The following CDC34 variants were observed in gnomAD, a reference collection of about 807,000 sequenced individuals.
The protein encoded by CDC34 is cell division cycle 34, ubiquitin conjugating enzyme, also known as ubiquitin-conjugating enzyme E2 R1.
A neutral mutation model predicts 26.8 loss-of-function variants in CDC34; 18 were observed. The ratio of observed to expected loss-of-function variants is 0.67; its 90% CI spans 0.47 to 1.00. The LOEUF (loss-of-function observed/expected upper bound fraction) is 1.00. Ranked by LOEUF, CDC34 falls within the 50% of genes least tolerant of loss-of-function variation. The probability of loss-of-function intolerance (pLI) is 0.00; values close to 1 mark genes in which losing one functional copy is unlikely to be tolerated. For synonymous variants in CDC34, 178 were observed against 147.5 expected, an observed-to-expected ratio of 1.21 and a Z score of -1.50; for missense variants, 280 against 334.5, an observed-to-expected ratio of 0.84 and a Z score of 1.27.
chr19:536,859 G>A, intron 3 of CDC34, 154 bp from the exon 4 acceptor site: 1 of 792,464 alleles, frequency 1.3e-6, no homozygotes, highest in Non-Finnish European at 2.1e-6. Flanking sequence ...AGCCCCTGCT[G>A]TTCTGGGGGC....
intron 4 of CDC34, chr19:538,704 C>T (rs915071895): frequency 4.3e-5 from 42 of 985,282 alleles, no homozygotes; most frequent in East Asian, 1.1e-4. Context: ...GGGCACCTTC[C>T]ATCCTGCACT....
intron 4 of CDC34, chr19:538,860 G>A: frequency 1.0e-6 from 1 of 985,288 alleles, no homozygotes; most frequent in Non-Finnish European, 1.2e-6. Context: ...AGGTCACAGG[G>A]TAGCTGCCCT....
In CDC34 at chr19:541,429, G is replaced by A. The variant is rs148173026; in HGVS notation, c.588G>A (p.Ala196=). Residue 196 remains alanine (A), a synonymous_variant, in exon 5 of 5, where the codon GCG becomes GCA. Coordinates refer to ENST00000215574, the MANE Select transcript of CDC34 (RefSeq NM_004359.2). ...TLAEYCVKTK[A]PAPDEGSDLF... ...CCGAGTACTGCGTGAAGACCAAGGC[G>A]CCGGCGCCCGACGAGGGCTCAGACC... is the stretch of plus-strand genomic sequence containing the variant. The A allele has an allele frequency of 2.7e-4, 434 of 1,612,502 alleles. 1 individual carries two copies. Among genetic ancestry groups the A allele is most frequent in the Admixed American group, 1.2e-4 (7 of 59,986 alleles).
At chr19:536,639 C>T (rs1600424825) in intron 3 of CDC34, 1 of 543,654 alleles carries the variant, frequency 1.8e-6, no homozygotes, top group South Asian at 2.3e-5. Flanking sequence ...TCTCCTTACC[C>T]AGCCGTCTCT....
chr19:538,547 T>C (rs907442345), intron 4 of CDC34: 2 of 221,188 alleles, frequency 9.0e-6, no homozygotes, highest in Non-Finnish European at 1.5e-5. Context: ...TTTTTTTTTT[T>C]CTCAGAGTGA....
chr19:536,963 G>A, intron 3 of CDC34, 50 bp from the exon 4 acceptor site: 1 of 1,611,024 alleles, frequency 6.2e-7, no homozygotes. Context: ...AGAAGAGCCG[G>A]AAGGCTGGGG....
intron 4 of CDC34, chr19:541,103 A>G (rs1235457351): frequency 1.8e-5 from 9 of 508,244 alleles, no homozygotes; most frequent in Admixed American, 7.4e-5. Flanking sequence ...GGCGGGTGTG[A>G]CTGCACTGCG....
At chr19:540,979 G>T (rs895547182) in intron 4 of CDC34, among the ~76,000 whole-genome samples, 1 of 152,152 alleles carries the variant, frequency 6.6e-6, no homozygotes, top group African/African-American at 2.4e-5. Context: ...TTGCTCCTGC[G>T]CTGAGGAAGG....
In CDC34 at chr19:538,442, G is replaced by A. The variant is rs1481277854; in HGVS notation, c.497+1295G>A. ...TGTGTTCACATGAATGTGTAAACAC[G>A]TGCGTGTCTGTGTACAAAGACAAGG... On this transcript the variant is annotated intron_variant, in intron 4 of 4. Coordinates refer to ENST00000215574, the MANE Select transcript of CDC34 (RefSeq NM_004359.2). 8.5e-5 allele frequency among the ~76,000 whole-genome samples: 13 copies of A among 152,176 alleles called. No individual in the cohort carries two copies. The South Asian group carries it at 1.4e-3, about 17-fold the overall frequency.
intron 1 of CDC34, among the ~76,000 whole-genome samples, chr19:532,411 G>A (rs1418711819): frequency 6.6e-6 from 1 of 152,224 alleles, no homozygotes; most frequent in Non-Finnish European, 1.5e-5. Flanking sequence ...GGCCCTCCCT[G>A]TAGCATCTGG....
chr19:534,593 G>A (rs544991914), intron 1 of CDC34, among the ~76,000 whole-genome samples: 2 of 92,226 alleles, frequency 2.2e-5, no homozygotes, highest in African/African-American at 8.3e-5. Flanking sequence ...CAAGACCCCC[G>A]AGTGCCCGCC....
At chr19:534,570 C>T (rs1407191650) in intron 1 of CDC34, among the ~76,000 whole-genome samples, 1 of 133,270 alleles carries the variant, frequency 7.5e-6, no homozygotes, top group Non-Finnish European at 1.6e-5. Flanking sequence ...CTGTCAAGGC[C>T]TCGCCCACGA....
rs1980027696 is a variant in CDC34, at chr19:541,720, G to C, written c.*168G>C. 3 of 696,690 alleles carry C rather than the reference G, an allele frequency of 4.3e-6. No homozygotes were observed. Among genetic ancestry groups the C allele is most frequent in the Non-Finnish European group, 6.5e-6 (3 of 461,100 alleles). 43.2% of individuals were successfully genotyped at this position (696,690 alleles called of 1,614,324 possible). A position where few individuals can be genotyped will look rare whatever the true frequency, so the allele number is the denominator to read the frequency against. On this transcript the variant is annotated 3_prime_UTR_variant, in exon 5 of 5. Transcript: ENST00000215574. ...CTGTTCTGGGTTTTCACGTGCTTCA[G>C]AGAAGAGGGGCTGCCCCACCGCCAC...
At chr19:540,995 G>GC (rs1439443651) in intron 4 of CDC34, among the ~76,000 whole-genome samples, 2 of 152,176 alleles carry the variant, frequency 1.3e-5, no homozygotes, top group Non-Finnish European at 2.9e-5. Flanking sequence ...GAAGGCTTTT[G>GC]CCCCCCAGTG....
intron 4 of CDC34, among the ~76,000 whole-genome samples, chr19:537,587 C>T (rs995347758): frequency 2.1e-4 from 31 of 150,486 alleles, no homozygotes; most frequent in African/African-American, 6.8e-4. Flanking sequence ...CTCCTGACCT[C>T]GTGATCCATC....
At chr19:538,357 TCTC>T (rs1239158210) in intron 4 of CDC34, among the ~76,000 whole-genome samples, 3 of 152,234 alleles carry the variant, frequency 2.0e-5, no homozygotes, top group Non-Finnish European at 4.4e-5. Flanking sequence ...CGGCTCTCCC[TCTC>T]CTCCCATCGC....
intron 4 of CDC34, 25 bp from the exon 5 acceptor site, chr19:541,314 G>A (rs1007317152): frequency 3.5e-5 from 53 of 1,518,136 alleles, no homozygotes; most frequent in Admixed American, 1.0e-4. Context: ...CGTGGGTGGC[G>A]CCCTCACCCA....
Position 541,809 on chromosome 19 carries a change from G to A in CDC34, c.*257G>A, listed in dbSNP as rs1416580771. 1.9e-5 allele frequency: 6 copies of A among 319,724 alleles called. No homozygotes were observed. Among genetic ancestry groups the A allele is most frequent in the East Asian group, 5.0e-5 (1 of 19,930 alleles). 19.8% of individuals were successfully genotyped at this position (319,724 alleles called of 1,614,324 possible). A position where few individuals can be genotyped will look rare whatever the true frequency, so the allele number is the denominator to read the frequency against. On this transcript the variant is annotated 3_prime_UTR_variant, in exon 5 of 5. Transcript: ENST00000215574. ...GAGCGGCCGGCCCACCTGTCCCCTC[G>A]GGAGGGGAGCTGAGCCCGACTTCTA...
Position 532,113 on chromosome 19 carries a change from G to T in CDC34, c.177+5G>T. 1 of 1,496,990 alleles carries T rather than the reference G, an allele frequency of 6.7e-7. No homozygotes were observed. The highest frequency in any genetic ancestry group is 8.8e-7 in the Non-Finnish European group (1 of 1,133,222). 92.7% of individuals were successfully genotyped at this position (1,496,990 alleles called of 1,614,324 possible). On this transcript the variant is annotated splice_donor_5th_base_variant and intron_variant, in intron 1 of 4. Coordinates refer to ENST00000215574, the MANE Select transcript of CDC34 (RefSeq NM_004359.2). ...TACGAGGGCGGCTACTTCAAGGTGA[G>T]CGCGGCGACCCCCGCCCGGGTCCCG...
Sources: allele counts gnomAD v4.1 joint callset (sites outside exome capture counted in the v4.1 genomes callset), GRCh38; gene constraint gnomAD v4.1.1; transcripts MANE v1.5; gene names NCBI Gene and HGNC (gene_info 2026-07-23, HGNC 2026-07-21).